The following PARP11 variants were observed in gnomAD, a reference collection of about 807,000 sequenced individuals.
The protein encoded by PARP11 is protein mono-ADP-ribosyltransferase PARP11.
PARP11 carries 31 observed loss-of-function variants against 42.9 expected under a neutral mutation model. The observed-to-expected ratio is 0.72, with a 90% CI of 0.54 to 0.98. The LOEUF (loss-of-function observed/expected upper bound fraction) is 0.98. Among genes scored for constraint, PARP11 ranks in the 50% least tolerant of loss-of-function variants. The pLI is 0.00. For missense variants in PARP11, 365 were observed against 413.1 expected, an observed-to-expected ratio of 0.88 and a Z score of 1.01; for synonymous variants, 137 against 127.3, an observed-to-expected ratio of 1.08 and a Z score of -0.51.
chr12:3,833,535 T>C (rs1287492467), intron 1 of PARP11, among the ~76,000 whole-genome samples: 13 of 152,200 alleles, frequency 8.5e-5, no homozygotes, highest in Non-Finnish European at 8.8e-5. Context: ...GCCTAGGAGT[T>C]TGAGGCTGCA....
chr12:3,816,825 C>A (rs1004727883), intron 6 of PARP11, among the ~76,000 whole-genome samples: 2 of 152,146 alleles, frequency 1.3e-5, no homozygotes, highest in South Asian at 4.1e-4. Context: ...TTACTTGAAT[C>A]CAGGAGGCGG....
chr12:3,839,007 A>G (rs974241950), intron 1 of PARP11, among the ~76,000 whole-genome samples: 4 of 151,974 alleles, frequency 2.6e-5, no homozygotes, highest in African/African-American at 9.7e-5. Flanking sequence ...TCGGGAAGTG[A>G]CTACTCACTC....
rs1555131325 is a variant in PARP11, at chr12:3,810,646, A to AGAAAGAAGGAAGGAAG, written c.*1476_*1477insCTTCCTTCCTTCTTTC. The AGAAAGAAGGAAGGAAG allele has an allele frequency of 1.2e-4, 14 of 121,580 alleles. No homozygotes were observed. The highest frequency in any genetic ancestry group is 3.9e-4 in the African/African-American group (12 of 30,694). The allele number at this position is 121,580 out of a possible 1,614,324, so 7.5% of individuals were successfully genotyped here. ...AGGAGGGAGGGAGGGAGGGAGGGAAAGAAGGAAGGAAGGAAGGAAGGAAGG... is the reference window on the plus strand; with the variant it reads ...AGGAGGGAGGGAGGGAGGGAGGGAAAGAAAGAAGGAAGGAAGGAAGGAAGGAAGGAAGGAAGGAAGG... On this transcript the variant is annotated 3_prime_UTR_variant, in exon 8 of 8. Transcript: ENST00000228820.
chr12:3,842,432 A>G, intron 1 of PARP11: 1 of 1,607,710 alleles, frequency 6.2e-7, no homozygotes, highest in South Asian at 1.1e-5. Flanking sequence ...GGTTATCAGT[A>G]CCATCGAAAT....
At chr12:3,841,362 A>C in intron 1 of PARP11, 3 of 1,300,274 alleles carry the variant, frequency 2.3e-6, no homozygotes, top group Non-Finnish European at 3.4e-6. Flanking sequence ...CCTACCTGGC[A>C]GCCTGCAGGA....
chr12:3,825,975 C>T (rs562514113), intron 4 of PARP11, among the ~76,000 whole-genome samples, 183 bp downstream of exon 4: 14 of 151,740 alleles, frequency 9.2e-5, no homozygotes, highest in Admixed American at 5.2e-4. Context: ...GTGATCAGGC[C>T]GCCTCGGCCT....
chr12:3,845,986 A>C (rs1423692106), intron 1 of PARP11, among the ~76,000 whole-genome samples: 4 of 152,250 alleles, frequency 2.6e-5, no homozygotes, highest in African/African-American at 9.6e-5. Flanking sequence ...TAATAGCCTT[A>C]CACTGAGTAC....
rs1292018174 is a variant in PARP11 at position 3,811,907 on chromosome 12, T to C, written c.*216A>G. 17 of 522,542 alleles carry C rather than the reference T, an allele frequency of 3.3e-5. No homozygotes were observed. The highest frequency in any genetic ancestry group is 3.1e-5 in the South Asian group (1 of 32,360). The allele number at this position is 522,542 out of a possible 1,614,324, so 32.4% of individuals were successfully genotyped here. On this transcript the variant is annotated 3_prime_UTR_variant, in exon 8 of 8. Transcript: ENST00000228820. ...CCTATGTGTTAAAACATCAATGATA[T>C]CAACTTTTAACAAACAAGACTACAA...
intron 1 of PARP11, chr12:3,832,171 G>A: frequency 1.0e-6 from 1 of 961,932 alleles, no homozygotes; most frequent in Non-Finnish European, 1.2e-6. Flanking sequence ...CATCCTTTCA[G>A]AGCTTTCTGT....
intron 1 of PARP11, among the ~76,000 whole-genome samples, chr12:3,844,771 C>G: frequency 6.6e-6 from 1 of 152,106 alleles, no homozygotes; most frequent in East Asian, 1.9e-4. Flanking sequence ...TCTCAGTGAC[C>G]TCCGGAATAA....
At chr12:3,838,047 TCAACAACAA>T (rs113625533) in intron 1 of PARP11, among the ~76,000 whole-genome samples, 1 of 145,430 alleles carries the variant, frequency 6.9e-6, no homozygotes, top group Non-Finnish European at 1.5e-5. Flanking sequence ...AGCCAGAAAA[TCAACAACAA>T]CAACAACAAA....
chr12:3,846,541 G>A (rs1480792884), intron 1 of PARP11, among the ~76,000 whole-genome samples: 1 of 150,512 alleles, frequency 6.6e-6, no homozygotes, highest in Non-Finnish European at 1.5e-5. Context: ...TGGATCGTGA[G>A]GTCAGGAGAT....
chr12:3,831,164 C>G (rs1296530988), intron 1 of PARP11, among the ~76,000 whole-genome samples: 1 of 152,060 alleles, frequency 6.6e-6, no homozygotes, highest in Admixed American at 6.5e-5. Flanking sequence ...ACTTTTTTAA[C>G]CATCACTTCC....
At chr12:3,816,760 G>A (rs1052518194) in intron 6 of PARP11, among the ~76,000 whole-genome samples, 2 of 152,070 alleles carry the variant, frequency 1.3e-5, no homozygotes, top group African/African-American at 4.8e-5. Context: ...AAATTAGCTG[G>A]GTGTGGTGGC....
chr12:3,870,514 C>T (rs1410163174), intron 1 of PARP11, among the ~76,000 whole-genome samples: 4 of 152,148 alleles, frequency 2.6e-5, no homozygotes, highest in Non-Finnish European at 5.9e-5. Flanking sequence ...TTCTCACAAA[C>T]ACACAAATAA....
Position 3,826,185 on chromosome 12 carries a change from CT to C in PARP11, c.316del (p.Arg106GlufsTer27). The C allele has an allele frequency of 6.3e-7, 1 of 1,598,758 alleles. No individual in the cohort carries two copies. The highest frequency in any genetic ancestry group is 1.8e-5 in the Admixed American group (1 of 55,628). ...GAAAGCACTGATAGAAAAGGGGGCT[CT>C]TTTTATTAAGCGCTGCTTTCCAGTG... Reference protein sequence around the residue: ...LTTGKQRLIKRAPFSISAFSY... With the variant: ...LTTGKQRLIKXAPFSISAFSY... On this transcript the variant is annotated frameshift_variant, in exon 4 of 8. Coordinates refer to ENST00000228820, the MANE Select transcript of PARP11 (RefSeq NM_020367.6). LOFTEE classifies it high-confidence loss of function.
chr12:3,816,985 A>T (rs1194848130), intron 6 of PARP11, among the ~76,000 whole-genome samples: 1 of 152,072 alleles, frequency 6.6e-6, no homozygotes, highest in East Asian at 1.9e-4. Flanking sequence ...AGGTCAGAAG[A>T]TCCAGACCAT....
chr12:3,873,148 C>T, intron 1 of PARP11, 64 bp downstream of exon 1: 2 of 1,367,434 alleles, frequency 1.5e-6, no homozygotes, highest in South Asian at 2.5e-5. Context: ...TCCGGTGACC[C>T]CCTCCCGCCC....
chr12:3,838,063 C>A (rs866655941), intron 1 of PARP11, among the ~76,000 whole-genome samples: 1 of 147,936 alleles, frequency 6.8e-6, no homozygotes, highest in Non-Finnish European at 1.5e-5. Flanking sequence ...ACAACAACAA[C>A]AAAAACAAAA....
Sources: allele counts gnomAD v4.1 joint callset (sites outside exome capture counted in the v4.1 genomes callset), GRCh38; gene constraint gnomAD v4.1.1; transcripts MANE v1.5; gene names NCBI Gene and HGNC (gene_info 2026-07-23, HGNC 2026-07-21).